The following PPP3CA variants were observed in gnomAD, a reference collection of about 807,000 sequenced individuals.
The protein encoded by PPP3CA is protein phosphatase 3 catalytic subunit alpha, also known as CAM-PRP catalytic subunit.
Under a neutral mutation model 66.5 loss-of-function variants are expected in PPP3CA, and 14 were observed. That is an observed-to-expected ratio of 0.21 (90% CI 0.14 to 0.33). The LOEUF is 0.33. Among genes scored for constraint, PPP3CA ranks in the 10% least tolerant of loss-of-function variants. The pLI is 1.00. For synonymous variants in PPP3CA, 232 were observed against 226.2 expected, an observed-to-expected ratio of 1.03 and a Z score of -0.23; for missense variants, 317 against 639.5, an observed-to-expected ratio of 0.50 and a Z score of 5.44.
chr4:101,289,016 A>G (rs1380841416), intron 1 of PPP3CA, among the ~76,000 whole-genome samples: 1 of 151,974 alleles, frequency 6.6e-6, no homozygotes, highest in Non-Finnish European at 1.5e-5. Context: ...CGTAGGAGGA[A>G]AAAAACAAGC....
At chr4:101,144,672 C>T (rs1323569713) in intron 2 of PPP3CA, among the ~76,000 whole-genome samples, 1 of 152,182 alleles carries the variant, frequency 6.6e-6, no homozygotes. Flanking sequence ...GCAGATATTA[C>T]ATTTATTAAC....
At chr4:101,088,584 C>CAAAA (rs1174497803) in intron 6 of PPP3CA, among the ~76,000 whole-genome samples, 19 of 35,720 alleles carry the variant, frequency 5.3e-4, no homozygotes, top group Non-Finnish European at 8.5e-4. Flanking sequence ...GACTCCATCT[C>CAAAA]AAAAAAAAAA....
intron 1 of PPP3CA, among the ~76,000 whole-genome samples, chr4:101,298,066 T>C (rs1175742976): frequency 6.6e-6 from 1 of 152,026 alleles, no homozygotes; most frequent in Admixed American, 6.6e-5. Context: ...GCAATTCCAA[T>C]AAGTGACTCC....
intron 1 of PPP3CA, among the ~76,000 whole-genome samples, chr4:101,302,486 C>T (rs1168046428): frequency 1.3e-5 from 2 of 152,292 alleles, no homozygotes; most frequent in Middle Eastern, 3.4e-3. Context: ...AATAATAAGA[C>T]AATTAACAGA....
At chr4:101,275,036 C>T (rs1228500144) in intron 1 of PPP3CA, among the ~76,000 whole-genome samples, 1 of 152,086 alleles carries the variant, frequency 6.6e-6, no homozygotes, top group African/African-American at 2.4e-5. Context: ...TGATTGGGCT[C>T]CAAAAAGTTA....
At chr4:101,321,911 G>A (rs1410599920) in intron 1 of PPP3CA, among the ~76,000 whole-genome samples, 7 of 152,162 alleles carry the variant, frequency 4.6e-5, no homozygotes, top group Admixed American at 3.9e-4. Context: ...AACAGAGGAT[G>A]TCTTCACTGC....
chr4:101,279,595 C>T (rs746307219), intron 1 of PPP3CA, among the ~76,000 whole-genome samples: 9 of 152,150 alleles, frequency 5.9e-5, no homozygotes, highest in African/African-American at 1.2e-4. Context: ...AGAATAAGTA[C>T]AGCCCTCCAA....
intron 2 of PPP3CA, among the ~76,000 whole-genome samples, chr4:101,131,793 A>T (rs1283853533): frequency 6.6e-6 from 1 of 152,192 alleles, no homozygotes; most frequent in African/African-American, 2.4e-5. Flanking sequence ...AAATCAACAG[A>T]ATATACATTC....
Position 101,023,858 on chromosome 4 carries a change from G to GTATC in PPP3CA, c.*2003_*2006dup, listed in dbSNP as rs1338823136. On this transcript the variant is annotated 3_prime_UTR_variant, in exon 14 of 14. Coordinates refer to ENST00000394854, the MANE Select transcript of PPP3CA (RefSeq NM_000944.5). ...TGTTACAAACAAACTGAAATTTGGT[G>GTATC]TATCTTAAATCTTCGGGTGATGATT... is the stretch of plus-strand genomic sequence containing the variant. The GTATC allele has an allele frequency of 1.3e-5, 2 of 152,620 alleles. No individual in the cohort carries two copies. The highest frequency in any genetic ancestry group is 4.8e-5 in the African/African-American group (2 of 41,438). 9.5% of individuals were successfully genotyped at this position (152,620 alleles called of 1,614,324 possible). A position where few individuals can be genotyped will look rare whatever the true frequency, so the allele number is the denominator to read the frequency against.
At chr4:101,121,246 A>C (rs1046055928) in intron 2 of PPP3CA, among the ~76,000 whole-genome samples, 2 of 152,112 alleles carry the variant, frequency 1.3e-5, no homozygotes, top group African/African-American at 4.8e-5. Flanking sequence ...CATATTCATA[A>C]TATGTATTTG....
intron 6 of PPP3CA, among the ~76,000 whole-genome samples, chr4:101,092,093 A>G (rs1169292116): frequency 2.0e-5 from 3 of 151,996 alleles, no homozygotes; most frequent in Non-Finnish European, 2.9e-5. Flanking sequence ...GCAGAAACCT[A>G]ATCGTGTTGC....
chr4:101,103,395 C>G (rs1374000590), intron 3 of PPP3CA, among the ~76,000 whole-genome samples: 2 of 152,164 alleles, frequency 1.3e-5, no homozygotes, highest in Non-Finnish European at 2.9e-5. Context: ...AAATGTAGCT[C>G]CTCTAAGACA....
chr4:101,124,737 AAGAAAG>A (rs1722174990), intron 2 of PPP3CA, among the ~76,000 whole-genome samples: 5 of 74,026 alleles, frequency 6.8e-5, no homozygotes, highest in African/African-American at 3.0e-4. Context: ...GAAAGAAAGA[AAGAAAG>A]AAAGAAAGAA....
chr4:101,093,622 CATTT>C (rs1730058301), intron 6 of PPP3CA, among the ~76,000 whole-genome samples, 150 bp downstream of exon 6: 1 of 152,090 alleles, frequency 6.6e-6, no homozygotes, highest in Non-Finnish European at 1.5e-5. Flanking sequence ...CTCACTTATT[CATTT>C]ATTTATATTT....
chr4:101,047,960 A>T (rs1560577320), intron 10 of PPP3CA, among the ~76,000 whole-genome samples: 1 of 152,152 alleles, frequency 6.6e-6, no homozygotes. Context: ...AAATGCACAG[A>T]AATAAAATTT....
chr4:101,077,428 A>G (rs1256810632), intron 8 of PPP3CA, among the ~76,000 whole-genome samples: 2 of 152,282 alleles, frequency 1.3e-5, no homozygotes, highest in East Asian at 3.9e-4. Flanking sequence ...CTATTTTCCA[A>G]TGATTGGGTT....
At chr4:101,220,809 G>A (rs1347956701) in intron 1 of PPP3CA, among the ~76,000 whole-genome samples, 2 of 151,616 alleles carry the variant, frequency 1.3e-5, no homozygotes, top group Non-Finnish European at 3.0e-5. Flanking sequence ...AGGTGTGCCA[G>A]TCACAGTTTT....
At chr4:101,183,426 T>C (rs1724305102) in intron 2 of PPP3CA, among the ~76,000 whole-genome samples, 1 of 152,114 alleles carries the variant, frequency 6.6e-6, no homozygotes, top group South Asian at 2.1e-4. Flanking sequence ...AACTAAGAAA[T>C]TTAGTCTTCA....
rs1329578090 is a variant in PPP3CA, at chr4:101,029,214, G to A, written c.1340-19C>T. On this transcript the variant is annotated intron_variant, in intron 12 of 13. Coordinates refer to ENST00000394854, the MANE Select transcript of PPP3CA (RefSeq NM_000944.5). ...ACAGTAGCTGAAGAGAAGAAAGGGG[G>A]TGCAAAATGAATGAGAAAAATGAGC... The A allele has an allele frequency of 6.2e-7, 1 of 1,603,866 alleles. No homozygotes were observed. Among genetic ancestry groups the A allele is most frequent in the Non-Finnish European group, 8.5e-7 (1 of 1,171,224 alleles).
Sources: allele counts gnomAD v4.1 joint callset (sites outside exome capture counted in the v4.1 genomes callset), GRCh38; gene constraint gnomAD v4.1.1; transcripts MANE v1.5; gene names NCBI Gene and HGNC (gene_info 2026-07-23, HGNC 2026-07-21).